The following RDH12 variants were observed in gnomAD, a reference collection of about 807,000 sequenced individuals.
RDH12 encodes retinol dehydrogenase 12.
RDH12 carries 21 observed loss-of-function variants against 34.0 expected under a neutral mutation model. The observed-to-expected ratio is 0.62, with a 90% CI of 0.44 to 0.89. RDH12 has a LOEUF of 0.89. RDH12 is among the 40% of genes least tolerant of loss of function. The pLI is 0.00. For missense variants in RDH12, 394 were observed against 398.6 expected, an observed-to-expected ratio of 0.99 and a Z score of 0.10; for synonymous variants, 198 against 169.9, an observed-to-expected ratio of 1.17 and a Z score of -1.29.
Position 67,734,307 on chromosome 14 carries a change from A to T in RDH12, c.*459A>T, listed in dbSNP as rs2038325495. ...ACCACCCTGGAGTCTAGACCAACAC[A>T]CAAAGATCCTGGCTAACCCTGGCCT... On this transcript the variant is annotated 3_prime_UTR_variant, in exon 9 of 9. Coordinates refer to ENST00000551171, the MANE Select transcript of RDH12 (RefSeq NM_152443.3). The T allele has an allele frequency of 5.8e-6, 1 of 172,722 alleles. No individual in the cohort carries two copies. The highest frequency in any genetic ancestry group is 2.4e-5 in the African/African-American group (1 of 42,102). The allele number at this position is 172,722 out of a possible 1,614,324, so 10.7% of individuals were successfully genotyped here.
chr14:67,702,852 T>C (rs969819057), intron 1 of RDH12, among the ~76,000 whole-genome samples: 1 of 152,232 alleles, frequency 6.6e-6, no homozygotes, highest in Non-Finnish European at 1.5e-5. Context: ...CTCACTCTGT[T>C]GCCCAGGGTA....
Position 67,734,114 on chromosome 14 carries a change from A to C in RDH12, c.*266A>C. 1 of 359,552 alleles carries C rather than the reference A, an allele frequency of 2.8e-6. No individual in the cohort carries two copies. The highest frequency in any genetic ancestry group is 5.4e-6 in the Non-Finnish European group (1 of 184,928). 22.3% of individuals were successfully genotyped at this position (359,552 alleles called of 1,614,324 possible). ...CCCTCTGGGGGCAGCAGGACTGGGC[A>C]GATCCCAGGCTGGGCATGGGGGTGG... On this transcript the variant is annotated 3_prime_UTR_variant, in exon 9 of 9. Transcript: ENST00000551171.
chr14:67,711,693 C>A (rs2038010090), intron 1 of RDH12, among the ~76,000 whole-genome samples: 1 of 152,086 alleles, frequency 6.6e-6, no homozygotes, highest in Non-Finnish European at 1.5e-5. Flanking sequence ...TTCTTGATAA[C>A]CTGTTTCACA....
At chr14:67,723,586 T>C (rs2038150239) in intron 3 of RDH12, among the ~76,000 whole-genome samples, 1 of 152,210 alleles carries the variant, frequency 6.6e-6, no homozygotes, top group Admixed American at 6.5e-5. Context: ...AAGGACAGTG[T>C]TATTCTAGGT....
intron 1 of RDH12, among the ~76,000 whole-genome samples, chr14:67,711,262 C>G (rs551992367): frequency 5.9e-5 from 9 of 152,256 alleles, no homozygotes; most frequent in African/African-American, 2.2e-4. Context: ...CTGTTTTGGT[C>G]TGAGTTTATA....
At chr14:67,731,822 G>GT (rs1298536169) in intron 8 of RDH12, among the ~76,000 whole-genome samples, 2 of 151,764 alleles carry the variant, frequency 1.3e-5, no homozygotes, top group Non-Finnish European at 2.9e-5. Flanking sequence ...TATTCTAGGT[G>GT]TTTTTTTATT....
intron 8 of RDH12, among the ~76,000 whole-genome samples, chr14:67,733,538 A>T (rs542035708): frequency 6.6e-6 from 1 of 152,338 alleles, no homozygotes; most frequent in South Asian, 2.1e-4. Context: ...ATCTTGTTAT[A>T]GAATATATTA....
intron 1 of RDH12, among the ~76,000 whole-genome samples, chr14:67,703,367 A>T (rs930530723): frequency 2.6e-5 from 4 of 152,176 alleles, no homozygotes; most frequent in Non-Finnish European, 5.9e-5. Flanking sequence ...ATGAGTTTAG[A>T]GTTAGGTTTT....
chr14:67,718,536 G>A (rs896717544), intron 1 of RDH12, among the ~76,000 whole-genome samples: 4 of 152,314 alleles, frequency 2.6e-5, no homozygotes, highest in South Asian at 4.1e-4. Context: ...TGGGAGGATG[G>A]CTGATCCGGG....
At chr14:67,726,826 A>G (rs1354806164) in intron 6 of RDH12, among the ~76,000 whole-genome samples, 155 bp from the exon 7 acceptor site, 3 of 152,228 alleles carry the variant, frequency 2.0e-5, no homozygotes, top group East Asian at 1.9e-4. Context: ...GGAATCCACA[A>G]ACTCAGACCA....
Position 67,726,099 on chromosome 14 carries a change from G to T in RDH12, c.392G>T (p.Cys131Phe). The T allele has an allele frequency of 1.2e-6, 2 of 1,614,130 alleles. No individual in the cohort carries two copies. Among genetic ancestry groups the T allele is most frequent in the Non-Finnish European group, 1.7e-6 (2 of 1,179,984 alleles). ...ATCAACAATGCGGGAGTAATGATGT[G>T]TCCATATTCCAAGACAGCTGATGGC... The part of the protein sequence containing the change: ...ILINNAGVMM[C>F]PYSKTADGFE... The change falls in exon 6 of 9, where the codon TGT becomes TTT. Residue 131 changes from cysteine to phenylalanine, a missense_variant. Cys to Phe is a radical substitution (Grantham distance 205). Coordinates refer to ENST00000551171, the MANE Select transcript of RDH12 (RefSeq NM_152443.3).
chr14:67,733,608 A>T (rs1220194721), intron 8 of RDH12, 138 bp from the exon 9 acceptor site: 1 of 621,262 alleles, frequency 1.6e-6, no homozygotes, highest in Non-Finnish European at 3.0e-6. Flanking sequence ...TTTGGAGTGC[A>T]TTTTGTATAA....
chr14:67,702,713 A>G (rs770867272), intron 1 of RDH12, among the ~76,000 whole-genome samples: 13 of 152,272 alleles, frequency 8.5e-5, no homozygotes, highest in Non-Finnish European at 1.8e-4. Context: ...CTATAAGTCA[A>G]TTGGGTATCA....
At chr14:67,713,148 G>A (rs1207403079) in intron 1 of RDH12, among the ~76,000 whole-genome samples, 1 of 151,784 alleles carries the variant, frequency 6.6e-6, no homozygotes, top group Non-Finnish European at 1.5e-5. Flanking sequence ...CCAGCTTTTT[G>A]TTAACTTTAG....
At position 67,708,398 on chromosome 14, in the gene RDH12, A is replaced by T. The variant is rs954915770; in HGVS notation, c.-275+6463A>T. On this transcript the variant is annotated intron_variant, in intron 1 of 8. Coordinates refer to ENST00000551171, the MANE Select transcript of RDH12 (RefSeq NM_152443.3). ...TTCTAAGGTTACAATCTCCAAAGTT[A>T]TCAGAAACCTGCATTTAAGAACACC... 6.6e-5 allele frequency among the ~76,000 whole-genome samples: 10 copies of T among 152,180 alleles called. No homozygotes were observed. In the East Asian group the frequency reaches 1.2e-3, roughly 18 times the overall value.
chr14:67,720,537 G>A (rs949939878), intron 1 of RDH12, among the ~76,000 whole-genome samples: 8 of 152,118 alleles, frequency 5.3e-5, no homozygotes, highest in Non-Finnish European at 1.0e-4. Context: ...TTCCCAGCTG[G>A]ATACCTAGGT....
chr14:67,727,048 T>C lies in RDH12; in HGVS notation c.516T>C (p.Asn172=), dbSNP rs2140145310. ...TGTCTGCCCCTGCACGGGTGGTTAA[T>C]GTGTCCTCGGTGGCTCACCACATTG... ...LKVSAPARVV[N]VSSVAHHIGK... The change falls in exon 7 of 9, where the codon AAT becomes AAC. Residue 172 remains asparagine, a synonymous_variant. Coordinates refer to ENST00000551171, the MANE Select transcript of RDH12 (RefSeq NM_152443.3). 6.2e-7 allele frequency: 1 copy of C among 1,613,992 alleles called. No individual in the cohort carries two copies. The highest frequency in any genetic ancestry group is 8.5e-7 in the Non-Finnish European group (1 of 1,180,038).
chr14:67,707,098 T>C lies in RDH12; in HGVS notation c.-275+5163T>C, dbSNP rs549157222. 2.0e-5 allele frequency among the ~76,000 whole-genome samples: 3 copies of C among 152,340 alleles called. No homozygotes were observed. The South Asian group carries it at 6.2e-4, about 32-fold the overall frequency. ...CTGTTATTTTCTTCTGAAGTTTAAGTTGTCTAGCTTCAGTTTGCAGAGCTT... is the reference window on the plus strand; with the variant it reads ...CTGTTATTTTCTTCTGAAGTTTAAGCTGTCTAGCTTCAGTTTGCAGAGCTT... On this transcript the variant is annotated intron_variant, in intron 1 of 8. Coordinates refer to ENST00000551171, the MANE Select transcript of RDH12 (RefSeq NM_152443.3).
intron 1 of RDH12, among the ~76,000 whole-genome samples, chr14:67,704,824 C>T (rs141584046): frequency 6.6e-6 from 1 of 152,254 alleles, no homozygotes; most frequent in Non-Finnish European, 1.5e-5. Flanking sequence ...TACCACGTAG[C>T]CAAGGAGGAA....
Sources: allele counts gnomAD v4.1 joint callset (sites outside exome capture counted in the v4.1 genomes callset), GRCh38; gene constraint gnomAD v4.1.1; transcripts MANE v1.5; gene names NCBI Gene and HGNC (gene_info 2026-07-23, HGNC 2026-07-21).